ASB7: variants seen among roughly 807,000 people sequenced by gnomAD.
The protein encoded by ASB7 is ankyrin repeat and SOCS box protein 7.
A neutral mutation model predicts 32.5 loss-of-function variants in ASB7; 4 were observed. The observed-to-expected ratio is 0.12, with a 90% CI of 0.06 to 0.28. The LOEUF (loss-of-function observed/expected upper bound fraction) is 0.28, where lower values mean the gene tolerates loss of function less well. ASB7 is among the 10% of genes least tolerant of loss of function. ASB7 has a pLI of 1.00. For synonymous variants in ASB7, 172 were observed against 155.6 expected, an observed-to-expected ratio of 1.11 and a Z score of -0.78; for missense variants, 181 against 407.1, an observed-to-expected ratio of 0.44 and a Z score of 4.78.
At chr15:100,635,343 G>T (rs962095321) in intron 5 of ASB7, among the ~76,000 whole-genome samples, 2 of 152,148 alleles carry the variant, frequency 1.3e-5, no homozygotes, top group Non-Finnish European at 2.9e-5. Context: ...GTCTTGTTCT[G>T]ATGCTTATTT....
rs559037113 is a variant in ASB7 at position 100,630,275 on chromosome 15, G to A, written c.817+233G>A. The A allele has an allele frequency of 3.6e-5, 37 of 1,027,110 alleles. No homozygotes were observed. In the South Asian group the frequency reaches 7.0e-4, roughly 19 times the overall value. The allele number at this position is 1,027,110 out of a possible 1,614,324, so 63.6% of individuals were successfully genotyped here. A position where few individuals can be genotyped will look rare whatever the true frequency, so the allele number is the denominator to read the frequency against. On this transcript the variant is annotated intron_variant, in intron 5 of 5. Transcript: ENST00000332783. ...AATAGGGGTAGACAGTAAGAGTGAG[G>A]GAAGGAATGGAGAGAAGGACAGAGA...
intron 4 of ASB7, among the ~76,000 whole-genome samples, chr15:100,615,725 T>C (rs965023166): frequency 1.2e-4 from 19 of 152,218 alleles, no homozygotes; most frequent in Admixed American, 5.9e-4. Flanking sequence ...CAGAAATATT[T>C]TTCCGTTTTC....
chr15:100,638,476 G>C (rs2039939838), intron 5 of ASB7: 1 of 152,050 alleles, frequency 6.6e-6, no homozygotes, highest in Non-Finnish European at 1.5e-5. Context: ...AAAAACTGTG[G>C]TTCTCCCGGA....
At chr15:100,626,307 A>G (rs2039836396) in intron 4 of ASB7, among the ~76,000 whole-genome samples, 1 of 152,200 alleles carries the variant, frequency 6.6e-6, no homozygotes, top group Admixed American at 6.5e-5. Context: ...ACCAATAAAA[A>G]TGGATAAAGG....
intron 2 of ASB7, among the ~76,000 whole-genome samples, chr15:100,608,739 A>C (rs924397892): frequency 6.6e-6 from 1 of 152,228 alleles, no homozygotes; most frequent in African/African-American, 2.4e-5. Flanking sequence ...TTTTATTTCC[A>C]AGGGCAAGTT....
chr15:100,640,835 C>T (rs948126669), intron 5 of ASB7, among the ~76,000 whole-genome samples: 4 of 152,148 alleles, frequency 2.6e-5, no homozygotes, highest in African/African-American at 7.2e-5. Flanking sequence ...TTGTAATTTA[C>T]GCTAGACCCT....
intron 5 of ASB7, among the ~76,000 whole-genome samples, chr15:100,637,726 T>C (rs2039933775): frequency 6.6e-6 from 1 of 152,224 alleles, no homozygotes; most frequent in Non-Finnish European, 1.5e-5. Flanking sequence ...GATCCAAAGT[T>C]ACTTGAAAAA....
chr15:100,614,869 T>G (rs2039728723), intron 4 of ASB7, among the ~76,000 whole-genome samples: 1 of 152,338 alleles, frequency 6.6e-6, no homozygotes, highest in Admixed American at 6.5e-5. Context: ...TGGACAAGCT[T>G]GGGCTATAGT....
chr15:100,603,851 A>G (rs1052973806), intron 2 of ASB7, among the ~76,000 whole-genome samples: 2 of 152,190 alleles, frequency 1.3e-5, no homozygotes, highest in African/African-American at 4.8e-5. Context: ...AAATAGTTTG[A>G]TTTTATTTCC....
intron 5 of ASB7, among the ~76,000 whole-genome samples, chr15:100,640,909 A>G (rs1196985539): frequency 6.6e-6 from 1 of 152,238 alleles, no homozygotes; most frequent in African/African-American, 2.4e-5. Context: ...TCTTTATAAA[A>G]TGGAAAGACT....
chr15:100,635,681 G>T (rs1358088548), intron 5 of ASB7, among the ~76,000 whole-genome samples: 1 of 152,198 alleles, frequency 6.6e-6, no homozygotes, highest in South Asian at 2.1e-4. Context: ...CAGTTGTAAG[G>T]TGTGGGGAGG....
rs2039566159 is a variant in ASB7, at chr15:100,602,891, C to T, written c.-428C>T. 2 of 397,858 alleles carry T rather than the reference C, an allele frequency of 5.0e-6. No homozygotes were observed. The highest frequency in any genetic ancestry group is 2.1e-5 in the African/African-American group (1 of 48,622). 24.6% of individuals were successfully genotyped at this position (397,858 alleles called of 1,614,324 possible). A position where few individuals can be genotyped will look rare whatever the true frequency, so the allele number is the denominator to read the frequency against. ...CCGGGATCGCCACCTCCTGCCTTCT[C>T]GGCTGTTCGGATGTTCGCCGGGCTG... On this transcript the variant is annotated 5_prime_UTR_variant, in exon 1 of 6. Coordinates refer to ENST00000332783, the MANE Select transcript of ASB7 (RefSeq NM_198243.3).
chr15:100,626,055 A>G (rs559373175), intron 4 of ASB7, among the ~76,000 whole-genome samples: 1 of 152,322 alleles, frequency 6.6e-6, no homozygotes, highest in East Asian at 1.9e-4. Flanking sequence ...CAAAATTCCT[A>G]GAAGAAAAAA....
At chr15:100,606,596 C>T (rs2039647054) in intron 2 of ASB7, among the ~76,000 whole-genome samples, 1 of 152,138 alleles carries the variant, frequency 6.6e-6, no homozygotes, top group South Asian at 2.1e-4. Flanking sequence ...ACTAAATGAA[C>T]TTCACTTGGC....
chr15:100,613,886 A>G (rs1262158637), intron 4 of ASB7, among the ~76,000 whole-genome samples: 2 of 152,216 alleles, frequency 1.3e-5, no homozygotes, highest in East Asian at 1.9e-4. Context: ...ATCCTTGTCC[A>G]TCTGCCTCTG....
intron 5 of ASB7, among the ~76,000 whole-genome samples, chr15:100,642,394 A>G (rs555839577): frequency 1.3e-5 from 2 of 152,350 alleles, no homozygotes; most frequent in African/African-American, 4.8e-5. Context: ...GACATTTCCT[A>G]TTTACCACAT....
rs773676803 is a variant in ASB7 at position 100,629,952 on chromosome 15, C to G, written c.727C>G (p.Arg243Gly). 1 of 1,613,958 alleles carries G rather than the reference C, an allele frequency of 6.2e-7. No individual in the cohort carries two copies. The highest frequency in any genetic ancestry group is 1.3e-5 in the African/African-American group (1 of 74,872). The change falls in exon 5 of 6, where the codon CGG becomes GGG. Residue 243 changes from arginine to glycine, a missense_variant. Transcript: ENST00000332783. This position sits in a 1 kb window ranked among gnomAD's most constrained non-coding sequence, Gnocchi z 6.8. ...TAATTACGGAGCAGACACGAACACA[C>G]GGAACTATGAAGGACAGACCCCATT... ...LYNYGADTNTRNYEGQTPLAV... is the reference protein window; with the variant it reads ...LYNYGADTNTGNYEGQTPLAV...
At chr15:100,636,101 A>T (rs896665408) in intron 5 of ASB7, among the ~76,000 whole-genome samples, 2 of 152,186 alleles carry the variant, frequency 1.3e-5, no homozygotes, top group Non-Finnish European at 2.9e-5. Context: ...TTACCATTTC[A>T]GTGTTCGTCA....
At chr15:100,626,322 G>A (rs1446269554) in intron 4 of ASB7, among the ~76,000 whole-genome samples, 1 of 152,084 alleles carries the variant, frequency 6.6e-6, no homozygotes, top group Non-Finnish European at 1.5e-5. Context: ...TAAAGGAGGT[G>A]AACAGACAAT....
Sources: gnomAD v4.1 joint callset for allele counts (sites outside exome capture counted in the v4.1 genomes callset) on GRCh38, gnomAD v4.1.1 for gene constraint, Gnocchi (gnomAD v3.1) non-coding constraint, MANE v1.5 for transcripts, NCBI Gene and HGNC (gene_info 2026-07-23, HGNC 2026-07-21) for gene names.